The following DHDDS variants were observed in gnomAD, a reference collection of about 807,000 sequenced individuals.
The protein encoded by DHDDS is dehydrodolichyl diphosphate synthase complex subunit DHDDS.
A neutral mutation model predicts 46.2 loss-of-function variants in DHDDS; 16 were observed. The ratio of observed to expected loss-of-function variants is 0.35; its 90% CI spans 0.23 to 0.53. The LOEUF is 0.53. Among genes scored for constraint, DHDDS ranks in the 20% least tolerant of loss-of-function variants. The pLI is 0.94. For missense variants in DHDDS, 340 were observed against 423.7 expected, an observed-to-expected ratio of 0.80 and a Z score of 1.73; for synonymous variants, 151 against 163.1, an observed-to-expected ratio of 0.93 and a Z score of 0.56.
Position 26,432,949 on chromosome 1 carries a change from T to C in DHDDS, c.4T>C (p.Ser2Pro), listed in dbSNP as rs1246457011. The C allele has an allele frequency of 2.5e-6, 4 of 1,614,198 alleles. No individual in the cohort carries two copies. Among genetic ancestry groups the C allele is most frequent in the African/African-American group, 1.3e-5 (1 of 75,064 alleles). MSWIKEGELSLW... is the reference protein window; with the variant it reads MPWIKEGELSLW... ...ATCTTCTGACTGGAAAAGAACTATG[T>C]CATGGATCAAGGAAGGAGAGCTGTC... The change falls in exon 2 of 9, where the codon TCA (serine) becomes CCA (proline). Residue 2 changes from serine to proline, a missense_variant. Ser to Pro is a moderately conservative substitution (Grantham distance 74). This residue lies in a region of DHDDS where 72 missense variants were observed against 123.5 expected (regional missense o/e 0.58). Coordinates refer to ENST00000236342, the MANE Select transcript of DHDDS (RefSeq NM_205861.3).
chr1:26,438,386 G>C (rs1161520716), intron 3 of DHDDS, 102 bp downstream of exon 3: 1 of 1,043,540 alleles, frequency 9.6e-7, no homozygotes, highest in Non-Finnish European at 1.5e-6. Context: ...AGTGTTTTTT[G>C]TATCTGTCTC....
At chr1:26,468,797 T>TTGGCCCCCCCTG in intron 8 of DHDDS, 98 bp from the exon 9 acceptor site, 3 of 1,434,856 alleles carry the variant, frequency 2.1e-6, no homozygotes, top group South Asian at 2.5e-5. Flanking sequence ...TCCACTTCAC[T>TTGGCCCCCCCTG]TGGCCCACCC....
rs1323017674 is a variant in DHDDS, at chr1:26,451,426, GT to G, written c.542+3767del. Among the ~76,000 whole-genome samples the G allele has an allele frequency of 2.0e-5, 3 of 149,498 alleles. No individual in the cohort carries two copies. In the East Asian group the frequency reaches 5.9e-4, roughly 29 times the overall value. ...TAGATGTGTGTGTGTGTGTGTGTGTGTGTGTGTGTGTGTGTGTGTGTGTGTA... is the reference window on the plus strand; with the variant it reads ...TAGATGTGTGTGTGTGTGTGTGTGTGGTGTGTGTGTGTGTGTGTGTGTGTA... On this transcript the variant is annotated intron_variant, in intron 6 of 8. Coordinates refer to ENST00000236342, the MANE Select transcript of DHDDS (RefSeq NM_205861.3).
At chr1:26,468,811 G>GGCCCACC in intron 8 of DHDDS, 84 bp from the exon 9 acceptor site, 3 of 637,978 alleles carry the variant, frequency 4.7e-6, no homozygotes, top group Non-Finnish European at 7.8e-6. Context: ...CCCACCCTGT[G>GGCCCACC]CCCCACCCCC....
intron 6 of DHDDS, among the ~76,000 whole-genome samples, chr1:26,452,770 A>G (rs952708578): frequency 3.9e-5 from 6 of 152,310 alleles, no homozygotes; most frequent in African/African-American, 1.4e-4. Flanking sequence ...TGACTTCCTC[A>G]TAGCAAAGCT....
Position 26,469,214 on chromosome 1 carries a change from C to G in DHDDS, c.*83C>G. The stretch of plus-strand genomic sequence containing the variant: ...TTCCTTTTCTTGGTGAAAGGCACCT[C>G]CTTTCCTGATAATGAATGGTGTTCC... On this transcript the variant is annotated 3_prime_UTR_variant, in exon 9 of 9. Coordinates refer to ENST00000236342, the MANE Select transcript of DHDDS (RefSeq NM_205861.3). 1 of 1,602,434 alleles carries G rather than the reference C, an allele frequency of 6.2e-7. No homozygotes were observed. The highest frequency in any genetic ancestry group is 1.1e-5 in the South Asian group (1 of 90,220).
At chr1:26,447,746 TAGG>T in intron 6 of DHDDS, 86 bp downstream of exon 6, 1 of 1,265,196 alleles carries the variant, frequency 7.9e-7, no homozygotes, top group Non-Finnish European at 1.1e-6. Flanking sequence ...CCTAGCACAT[TAGG>T]AGGCCGAGGT....
intron 6 of DHDDS, among the ~76,000 whole-genome samples, chr1:26,449,217 G>C (rs920732260): frequency 6.6e-6 from 1 of 151,874 alleles, no homozygotes; most frequent in African/African-American, 2.4e-5. Context: ...TTCCACCTCA[G>C]CTTCCCAAGT....
At chr1:26,454,710 G>A in intron 6 of DHDDS, 4 of 1,587,290 alleles carry the variant, frequency 2.5e-6, no homozygotes, top group Non-Finnish European at 2.6e-6. Flanking sequence ...TCCTCTTCTG[G>A]TTTAGGAACA....
At chr1:26,433,583 C>A (rs1443929368) in intron 2 of DHDDS, among the ~76,000 whole-genome samples, 4 of 150,850 alleles carry the variant, frequency 2.7e-5, no homozygotes, top group Non-Finnish European at 1.5e-5. Context: ...CAGGTCAAAG[C>A]TGCAGTGAGT....
chr1:26,467,481 G>C (rs1285098602), intron 8 of DHDDS: 1 of 383,384 alleles, frequency 2.6e-6, no homozygotes, highest in Non-Finnish European at 5.7e-6. Context: ...ATTCTCATTT[G>C]TCATCCTTAT....
intron 5 of DHDDS, 86 bp downstream of exon 5, chr1:26,446,518 T>G: frequency 1.5e-6 from 2 of 1,316,118 alleles, no homozygotes; most frequent in South Asian, 2.4e-5. Context: ...CTTTCCTTGG[T>G]CTGGATTGGT....
Position 26,457,857 on chromosome 1 carries a change from G to A in DHDDS, c.609G>A (p.Leu203=). The change falls in exon 7 of 9, where the codon TTG becomes TTA. Residue 203 remains leucine, a synonymous_variant. Coordinates refer to ENST00000236342, the MANE Select transcript of DHDDS (RefSeq NM_205861.3). The part of the protein sequence containing the change: ...YTNRSPHPDI[L]IRTSGEVRLS... ...ACCGCTCTCCTCATCCTGACATCTT[G>A]ATACGGACTTCTGGAGAAGTGCGGC... 6.2e-7 allele frequency: 1 copy of A among 1,613,960 alleles called. No homozygotes were observed. Among genetic ancestry groups the A allele is most frequent in the South Asian group, 1.1e-5 (1 of 91,072 alleles).
At chr1:26,460,685 A>G (rs969067404) in intron 8 of DHDDS, among the ~76,000 whole-genome samples, 6 of 152,200 alleles carry the variant, frequency 3.9e-5, no homozygotes, top group African/African-American at 1.4e-4. Context: ...GTATATGATT[A>G]GGTCTCTTTA....
intron 6 of DHDDS, chr1:26,454,761 G>A (rs1346636140): frequency 2.5e-6 from 4 of 1,587,928 alleles, no homozygotes; most frequent in Non-Finnish European, 3.4e-6. Flanking sequence ...ATGTGGCAGG[G>A]AGAGCTCATG....
intron 7 of DHDDS, among the ~76,000 whole-genome samples, chr1:26,459,638 A>C (rs2075403311): frequency 6.6e-6 from 1 of 152,206 alleles, no homozygotes; most frequent in African/African-American, 2.4e-5. Flanking sequence ...TGGTACTTAA[A>C]AATAACAATG....
chr1:26,452,547 T>G (rs768551486), intron 6 of DHDDS, among the ~76,000 whole-genome samples: 14 of 152,220 alleles, frequency 9.2e-5, no homozygotes, highest in Admixed American at 3.9e-4. Context: ...TAACACTTAC[T>G]GAGCATTTAC....
At chr1:26,434,475 T>G (rs993853412) in intron 2 of DHDDS, among the ~76,000 whole-genome samples, 1 of 152,076 alleles carries the variant, frequency 6.6e-6, no homozygotes, top group African/African-American at 2.4e-5. Context: ...GCTGCATAAC[T>G]TGAATGGATT....
At chr1:26,463,758 G>A (rs943652374) in intron 8 of DHDDS, among the ~76,000 whole-genome samples, 2 of 151,858 alleles carry the variant, frequency 1.3e-5, no homozygotes, top group Admixed American at 6.6e-5. Context: ...TGCCCGCCTC[G>A]GCCTCCCAAA....
Sources: gnomAD v4.1 joint callset for allele counts (sites outside exome capture counted in the v4.1 genomes callset) on GRCh38, gnomAD v4.1.1 for gene constraint, gnomAD v4.1.1 regional missense constraint, MANE v1.5 for transcripts, NCBI Gene and HGNC (gene_info 2026-07-23, HGNC 2026-07-21) for gene names.